The following JPH2 variants were observed in gnomAD, a reference collection of about 807,000 sequenced individuals.
JPH2 encodes junctophilin 2.
Under a neutral mutation model 55.9 loss-of-function variants are expected in JPH2, and 38 were observed. The observed-to-expected ratio is 0.68, with a 90% CI of 0.52 to 0.89. The LOEUF (loss-of-function observed/expected upper bound fraction) is 0.89. Ranked by LOEUF, JPH2 falls within the 40% of genes least tolerant of loss-of-function variation. The probability of loss-of-function intolerance (pLI) is 0.00; values close to 1 mark genes in which losing one functional copy is unlikely to be tolerated. For missense variants in JPH2, 964 were observed against 1,037.6 expected, an observed-to-expected ratio of 0.93 and a Z score of 0.97; for synonymous variants, 480 against 472.4, an observed-to-expected ratio of 1.02 and a Z score of -0.21.
At chr20:44,185,526 T>C (rs1367123179) in intron 1 of JPH2, among the ~76,000 whole-genome samples, 1 of 151,410 alleles carries the variant, frequency 6.6e-6, no homozygotes. Flanking sequence ...TCCCAATTAC[T>C]AGGGAAGCTG....
At chr20:44,171,107 T>C (rs906235751) in intron 1 of JPH2, among the ~76,000 whole-genome samples, 2 of 152,182 alleles carry the variant, frequency 1.3e-5, no homozygotes, top group Non-Finnish European at 2.9e-5. Flanking sequence ...TCCCAGTGCC[T>C]TGAGGAGTGT....
intron 2 of JPH2, 130 bp from the exon 3 acceptor site, chr20:44,118,753 T>G: frequency 1.3e-6 from 1 of 763,808 alleles, no homozygotes; most frequent in Non-Finnish European, 2.3e-6. Flanking sequence ...GAATATTTAT[T>G]GAGCCTCATG....
Position 44,159,561 on chromosome 20 carries a change from C to T in JPH2, c.1169+57G>A. On this transcript the variant is annotated intron_variant, in intron 2 of 5. Coordinates refer to ENST00000372980, the MANE Select transcript of JPH2 (RefSeq NM_020433.5). This position sits in a 1 kb window ranked among gnomAD's most constrained non-coding sequence, Gnocchi z 5.7. ...ACAGGGCCTCCTAGGTTGCCCTGCC[C>T]CAGGACCCCCTTCTCCGAGGGGAGG... 6.5e-7 allele frequency: 1 copy of T among 1,540,736 alleles called. No homozygotes were observed. The highest frequency in any genetic ancestry group is 8.7e-7 in the Non-Finnish European group (1 of 1,144,260).
At chr20:44,134,796 AT>A (rs1569195540) in intron 2 of JPH2, among the ~76,000 whole-genome samples, 6 of 97,212 alleles carry the variant, frequency 6.2e-5, no homozygotes, top group Non-Finnish European at 1.2e-4. Context: ...ATAAATATAC[AT>A]TTATTATAAA....
At position 44,186,549 on chromosome 20, in the gene JPH2, T is replaced by A; in HGVS notation, c.157A>T (p.Thr53Ser). ...NFGFEVAGVY[T>S]WPSGNTFEGY... Reference sequence around the variant, plus strand: ...TCAAAGGTGTTTCCGCTGGGCCAGGTGTAGACACCTGCCACCTCAAAGCCA... The same window carrying A: ...TCAAAGGTGTTTCCGCTGGGCCAGGAGTAGACACCTGCCACCTCAAAGCCA... Residue 53 changes from threonine (T) to serine (S), a missense_variant, in exon 1 of 6, where the codon ACC becomes TCC. By Grantham distance (58) the Thr-to-Ser change is moderately conservative. Coordinates refer to ENST00000372980, the MANE Select transcript of JPH2 (RefSeq NM_020433.5). 6.2e-7 allele frequency: 1 copy of A among 1,613,692 alleles called. No individual in the cohort carries two copies. Among genetic ancestry groups the A allele is most frequent in the Non-Finnish European group, 8.5e-7 (1 of 1,179,702 alleles).
chr20:44,132,351 G>GACACACACAC (rs1491055196), intron 2 of JPH2, among the ~76,000 whole-genome samples: 6 of 67,430 alleles, frequency 8.9e-5, no homozygotes, highest in African/African-American at 2.2e-4. Context: ...GAGGCAGACA[G>GACACACACAC]ACAGACACAC....
At chr20:44,175,429 G>C (rs572951229) in intron 1 of JPH2, among the ~76,000 whole-genome samples, 1 of 152,166 alleles carries the variant, frequency 6.6e-6, no homozygotes, top group Non-Finnish European at 1.5e-5. Context: ...CATTTTTCCC[G>C]TAACAATCCC....
At chr20:44,141,493 G>C (rs527738195) in intron 2 of JPH2, among the ~76,000 whole-genome samples, 1 of 149,660 alleles carries the variant, frequency 6.7e-6, no homozygotes, top group Admixed American at 6.8e-5. Context: ...GAAGCCCAAT[G>C]GGTGAGGCAG....
chr20:44,168,185 C>G (rs771258711), intron 1 of JPH2, among the ~76,000 whole-genome samples: 16 of 152,250 alleles, frequency 1.1e-4, no homozygotes, highest in South Asian at 2.1e-4. Context: ...ACACAGAAGA[C>G]AGAGAGAGCT....
chr20:44,151,465 C>T (rs184732091), intron 2 of JPH2, among the ~76,000 whole-genome samples: 36 of 152,028 alleles, frequency 2.4e-4, no homozygotes, highest in African/African-American at 8.0e-4. Context: ...TGCAGCGAGC[C>T]GAGATCATGC....
At chr20:44,157,615 A>G (rs1279711335) in intron 2 of JPH2, among the ~76,000 whole-genome samples, 2 of 152,170 alleles carry the variant, frequency 1.3e-5, no homozygotes, top group African/African-American at 2.4e-5. Flanking sequence ...CCTTAGACCA[A>G]CTTGTCTTTA....
At chr20:44,118,685 C>G (rs1041443855) in intron 2 of JPH2, 62 bp from the exon 3 acceptor site, 1 of 1,285,856 alleles carries the variant, frequency 7.8e-7, no homozygotes, top group African/African-American at 1.5e-5. Flanking sequence ...TCTGCCCCTT[C>G]TCCCCAACCC....
chr20:44,141,054 G>A (rs1220677279), intron 2 of JPH2, among the ~76,000 whole-genome samples: 3 of 152,158 alleles, frequency 2.0e-5, no homozygotes, highest in Non-Finnish European at 2.9e-5. Context: ...GTGCAGTGAA[G>A]GGGCTAGAGA....
chr20:44,183,571 G>A (rs573689538), intron 1 of JPH2, among the ~76,000 whole-genome samples: 1 of 152,192 alleles, frequency 6.6e-6, no homozygotes, highest in African/African-American at 2.4e-5. Flanking sequence ...AGCAAACCTT[G>A]CTCCCTGGGC....
intron 1 of JPH2, among the ~76,000 whole-genome samples, chr20:44,168,048 T>G (rs1229769094): frequency 1.3e-5 from 2 of 152,114 alleles, no homozygotes; most frequent in African/African-American, 4.8e-5. Flanking sequence ...GGTTGAAGAT[T>G]AAATAAACTG....
chr20:44,176,318 C>CTTTTTTT (rs58088590), intron 1 of JPH2, among the ~76,000 whole-genome samples: 1 of 113,666 alleles, frequency 8.8e-6, no homozygotes, highest in African/African-American at 3.3e-5. Context: ...TCCTATCTGT[C>CTTTTTTT]TTTTTTTTTT....
chr20:44,171,826 C>A (rs1569217015), intron 1 of JPH2, among the ~76,000 whole-genome samples: 2 of 152,170 alleles, frequency 1.3e-5, no homozygotes, highest in Non-Finnish European at 2.9e-5. Flanking sequence ...AAATATGTAT[C>A]ACATTTTGTA....
At chr20:44,183,206 C>G (rs551269497) in intron 1 of JPH2, among the ~76,000 whole-genome samples, 1 of 152,340 alleles carries the variant, frequency 6.6e-6, no homozygotes, top group South Asian at 2.1e-4. Flanking sequence ...GGATTATCTC[C>G]ATTTTTAGCC....
Position 44,115,747 on chromosome 20 carries a change from C to G in JPH2, c.1928G>C (p.Arg643Pro). 1 of 1,613,264 alleles carries G rather than the reference C, an allele frequency of 6.2e-7. No individual in the cohort carries two copies. The highest frequency in any genetic ancestry group is 1.1e-5 in the South Asian group (1 of 91,076). The change falls in exon 4 of 6, where the codon CGA becomes CCA. Residue 643 changes from arginine (R) to proline (P), a missense_variant. By Grantham distance (103) the Arg-to-Pro change is moderately radical. Coordinates refer to ENST00000372980, the MANE Select transcript of JPH2 (RefSeq NM_020433.5). ...PRAKARKTEA[R>P]GLTKAGAKKK... ...CTTGGCCCCCGCCTTGGTCAGCCCT[C>G]GAGCCTCAGTCTTGCGGGCCTTGGC...
Sources: allele counts gnomAD v4.1 joint callset (sites outside exome capture counted in the v4.1 genomes callset), GRCh38; gene constraint gnomAD v4.1.1; non-coding constraint Gnocchi (gnomAD v3.1); transcripts MANE v1.5; gene names NCBI Gene and HGNC (gene_info 2026-07-23, HGNC 2026-07-21).